The following ADAMTS17 variants were observed in gnomAD, a reference collection of about 807,000 sequenced individuals.
ADAMTS17 encodes ADAM metallopeptidase with thrombospondin type 1 motif 17.
A neutral mutation model predicts 141.5 loss-of-function variants in ADAMTS17; 113 were observed. That is an observed-to-expected ratio of 0.80 (90% confidence interval 0.69 to 0.93). The LOEUF (loss-of-function observed/expected upper bound fraction) is 0.93, where lower values mean the gene tolerates loss of function less well. Ranked by LOEUF, ADAMTS17 falls within the 40% of genes least tolerant of loss-of-function variation. The pLI, the probability that ADAMTS17 is intolerant of heterozygous loss-of-function variation, is 0.00. For synonymous variants in ADAMTS17, 768 were observed against 630.6 expected (o/e 1.22, Z -3.27); for missense variants, 1,659 against 1,517.9 (o/e 1.09, Z -1.54).
chr15:100,322,026 G>C (rs569475552), intron 3 of ADAMTS17, among the ~76,000 whole-genome samples: 2 of 152,248 alleles, frequency 1.3e-5, no homozygotes, highest in South Asian at 2.1e-4. Context: ...ATGCTCAAAA[G>C]CTTCTAATAA....
At chr15:100,191,277 C>T (rs557326700) in intron 8 of ADAMTS17, among the ~76,000 whole-genome samples, 9 of 152,330 alleles carry the variant, frequency 5.9e-5, no homozygotes, top group East Asian at 3.9e-4. Context: ...TATTCAGTAA[C>T]GAAACTCTGG....
chr15:100,065,833 C>A (rs915828473), intron 15 of ADAMTS17, among the ~76,000 whole-genome samples: 7 of 152,194 alleles, frequency 4.6e-5, no homozygotes, highest in African/African-American at 7.2e-5. Flanking sequence ...TTAAGCCCTG[C>A]ATGCATTAGG....
chr15:100,248,436 C>T (rs2043052541), intron 7 of ADAMTS17, among the ~76,000 whole-genome samples: 2 of 152,182 alleles, frequency 1.3e-5, no homozygotes. Context: ...GGGTATGCAT[C>T]TGGAAGAGGA....
At chr15:100,175,776 G>A (rs1284200628) in intron 8 of ADAMTS17, among the ~76,000 whole-genome samples, 1 of 151,774 alleles carries the variant, frequency 6.6e-6, no homozygotes. Flanking sequence ...CTGTGTGAAC[G>A]GTGCCCCCGA....
chr15:100,311,006 T>C (rs1027569230), intron 3 of ADAMTS17, among the ~76,000 whole-genome samples: 7 of 152,236 alleles, frequency 4.6e-5, no homozygotes, highest in African/African-American at 1.7e-4. Context: ...CCGGTGAGAC[T>C]TTCTGCTAGG....
At chr15:100,238,432 C>T (rs1596337645) in intron 7 of ADAMTS17, among the ~76,000 whole-genome samples, 1 of 152,204 alleles carries the variant, frequency 6.6e-6, no homozygotes, top group Non-Finnish European at 1.5e-5. Flanking sequence ...GGGCTGGAGC[C>T]GGGCCTGGCA....
chr15:100,044,404 T>TCAA (rs1205183892), intron 18 of ADAMTS17, among the ~76,000 whole-genome samples: 1 of 152,210 alleles, frequency 6.6e-6, no homozygotes, highest in Non-Finnish European at 1.5e-5. Context: ...TCCTCTATCT[T>TCAA]CAAGTTCAGT....
intron 3 of ADAMTS17, among the ~76,000 whole-genome samples, chr15:100,328,820 G>A (rs1042460338): frequency 6.6e-5 from 10 of 152,282 alleles, no homozygotes; most frequent in East Asian, 3.9e-4. Context: ...CAAGCACGCT[G>A]AGTTCTGACC....
chr15:100,151,138 G>A (rs1339594003), intron 10 of ADAMTS17, among the ~76,000 whole-genome samples: 1 of 152,170 alleles, frequency 6.6e-6, no homozygotes, highest in African/African-American at 2.4e-5. Flanking sequence ...GGGGCAGGAG[G>A]TACAGGCATC....
At chr15:100,107,826 GT>G (rs1345613120) in intron 14 of ADAMTS17, among the ~76,000 whole-genome samples, 1 of 152,164 alleles carries the variant, frequency 6.6e-6, no homozygotes, top group East Asian at 1.9e-4. Context: ...AAGGTCAGTT[GT>G]TCATAAGCTG....
intron 18 of ADAMTS17, among the ~76,000 whole-genome samples, chr15:100,035,351 C>G (rs79425535): frequency 6.6e-6 from 1 of 152,150 alleles, no homozygotes; most frequent in African/African-American, 2.4e-5. Flanking sequence ...ATTTTTAAAA[C>G]ATTAATTTTA....
intron 13 of ADAMTS17, among the ~76,000 whole-genome samples, chr15:100,112,664 C>T (rs1051886373): frequency 6.6e-6 from 1 of 152,134 alleles, no homozygotes; most frequent in Non-Finnish European, 1.5e-5. Flanking sequence ...AAAAGTTATA[C>T]AACCACACAC....
chr15:100,153,902 C>T (rs528654672), intron 9 of ADAMTS17, among the ~76,000 whole-genome samples: 10 of 152,208 alleles, frequency 6.6e-5, no homozygotes, highest in East Asian at 5.8e-4. Flanking sequence ...TGATCTTGGC[C>T]GGGCGCGGTA....
chr15:100,190,224 G>A (rs1386160128), intron 8 of ADAMTS17, among the ~76,000 whole-genome samples: 2 of 152,166 alleles, frequency 1.3e-5, no homozygotes, highest in Admixed American at 6.5e-5. Flanking sequence ...TCCTCATGCT[G>A]GCTCCTGGAA....
intron 10 of ADAMTS17, among the ~76,000 whole-genome samples, chr15:100,150,768 C>G (rs1297463118): frequency 2.0e-5 from 3 of 152,152 alleles, no homozygotes; most frequent in East Asian, 1.9e-4. Flanking sequence ...GGCAGAGTGA[C>G]CACTCTGTCC....
chr15:100,236,057 C>G lies in ADAMTS17; in HGVS notation c.1075+18079G>C, dbSNP rs374879456. Among the ~76,000 whole-genome samples the G allele has an allele frequency of 2.0e-3, 305 of 152,248 alleles. 1 individual carries two copies. The highest frequency in any genetic ancestry group is 7.0e-3 in the African/African-American group (292 of 41,544). On this transcript the variant is annotated intron_variant, in intron 7 of 21. Coordinates refer to ENST00000268070, the MANE Select transcript of ADAMTS17 (RefSeq NM_139057.4). ...ATGACAGTCAATATCCTAATGATCA[C>G]AGACATCCACAGTCACCAGTGACTC... is the stretch of plus-strand genomic sequence containing the variant.
chr15:100,208,584 G>A (rs1035102295), intron 7 of ADAMTS17, among the ~76,000 whole-genome samples: 1 of 152,180 alleles, frequency 6.6e-6, no homozygotes, highest in Non-Finnish European at 1.5e-5. Context: ...GCCCTGCCCG[G>A]GGGCTGATAT....
chr15:100,202,140 G>A (rs2041358201), intron 7 of ADAMTS17, among the ~76,000 whole-genome samples: 1 of 152,174 alleles, frequency 6.6e-6, no homozygotes, highest in Non-Finnish European at 1.5e-5. Context: ...AGAACCGGCA[G>A]ACCTCAAATG....
Position 100,139,511 on chromosome 15 carries a change from G to T in ADAMTS17, c.1474-6196C>A, listed in dbSNP as rs538205425. 6.2e-4 allele frequency among the ~76,000 whole-genome samples: 94 copies of T among 152,294 alleles called. 1 individual carries two copies. The highest frequency in any genetic ancestry group is 2.2e-3 in the African/African-American group (91 of 41,570). ...GTACAAGACAGTGCCCTGCAACAAA[G>T]AATTATTCAGCCTAAGACACCAATA... On this transcript the variant is annotated intron_variant, in intron 10 of 21. Transcript: ENST00000268070.
Sources: allele counts gnomAD v4.1 joint callset (sites outside exome capture counted in the v4.1 genomes callset), GRCh38; gene constraint gnomAD v4.1.1; transcripts MANE v1.5; gene names NCBI Gene and HGNC (gene_info 2026-07-23, HGNC 2026-07-21).